PARD3: variants seen among roughly 807,000 people sequenced by gnomAD.
The protein encoded by PARD3 is partitioning defective 3 homolog.
Under a neutral mutation model 155.4 loss-of-function variants are expected in PARD3, and 75 were observed. That is an observed-to-expected ratio of 0.48 (90% CI 0.40 to 0.58). The LOEUF is 0.58. Among genes scored for constraint, PARD3 ranks in the 20% least tolerant of loss-of-function variants. The probability of loss-of-function intolerance (pLI) is 0.00; values close to 1 mark genes in which losing one functional copy is unlikely to be tolerated. For synonymous variants in PARD3, 576 were observed against 610.5 expected, an observed-to-expected ratio of 0.94 and a Z score of 0.83; for missense variants, 1,642 against 1,721.7, an observed-to-expected ratio of 0.95 and a Z score of 0.82.
At chr10:34,377,877 T>G in intron 10 of PARD3, 90 bp downstream of exon 10, 1 of 1,059,364 alleles carries the variant, frequency 9.4e-7, no homozygotes. Flanking sequence ...TAACTGAATT[T>G]CATATTTTAT....
At chr10:34,762,333 G>A (rs948016956) in intron 1 of PARD3, among the ~76,000 whole-genome samples, 26 of 151,418 alleles carry the variant, frequency 1.7e-4, no homozygotes, top group Non-Finnish European at 2.2e-4. Flanking sequence ...TCACTCTGTC[G>A]CCCAGGCTGG....
chr10:34,196,575 T>C (rs530481747), intron 22 of PARD3, among the ~76,000 whole-genome samples: 1,577 of 142,452 alleles, frequency 0.011, 10 homozygotes, highest in Non-Finnish European at 0.018. Flanking sequence ...TTTCTTTTTT[T>C]TTTTTTTTTT....
intron 22 of PARD3, among the ~76,000 whole-genome samples, chr10:34,201,582 G>A (rs1483863211): frequency 6.6e-6 from 1 of 152,144 alleles, no homozygotes; most frequent in Admixed American, 6.5e-5. Context: ...TCTTTCAAAA[G>A]GGGAGCCATG....
chr10:34,476,404 T>G (rs373318633), intron 3 of PARD3, among the ~76,000 whole-genome samples: 3 of 152,148 alleles, frequency 2.0e-5, no homozygotes, highest in African/African-American at 7.2e-5. Flanking sequence ...ACCACTGATG[T>G]AGATGTCAAC....
At chr10:34,788,656 G>C (rs999172975) in intron 1 of PARD3, among the ~76,000 whole-genome samples, 1 of 152,112 alleles carries the variant, frequency 6.6e-6, no homozygotes, top group African/African-American at 2.4e-5. Context: ...CACCATGTTG[G>C]CCAGGACGGT....
intron 7 of PARD3, among the ~76,000 whole-genome samples, chr10:34,386,870 G>A (rs1192580683): frequency 6.6e-6 from 1 of 151,332 alleles, no homozygotes; most frequent in Non-Finnish European, 1.5e-5. Context: ...CGATGAATGA[G>A]GAAGATTAAT....
chr10:34,776,833 T>TTTTGGGGGGGGGGGGGG (rs1564608800), intron 1 of PARD3, among the ~76,000 whole-genome samples: 1 of 9,908 alleles, frequency 1.0e-4, no homozygotes, highest in African/African-American at 2.9e-4. Flanking sequence ...CGTGTTTTTT[T>TTTTGGGGGGGGGGGGGG]GTGGGGGGGG....
chr10:34,413,140 T>TACACACACACACACACACACACAC (rs774389489), intron 5 of PARD3, among the ~76,000 whole-genome samples: 4 of 113,788 alleles, frequency 3.5e-5, no homozygotes, highest in African/African-American at 1.3e-4. Flanking sequence ...ACTTCAGATA[T>TACACACACACACACACACACACAC]ATATACACAC....
intron 2 of PARD3, among the ~76,000 whole-genome samples, chr10:34,653,376 T>C (rs999568544): frequency 6.6e-6 from 1 of 152,112 alleles, no homozygotes; most frequent in African/African-American, 2.4e-5. Flanking sequence ...CATCCAATAA[T>C]ACTCTTTCCT....
rs921768276 is a variant in PARD3 at position 34,466,373 on chromosome 10, T to C, written c.582+3712A>G. ...AACAAGGAAGACTCCACCTCTCGTT[T>C]GTGATTTTGAACCAAAGGAGAGAGT... On this transcript the variant is annotated intron_variant, in intron 4 of 24. Coordinates refer to ENST00000374788, the MANE Select transcript of PARD3 (RefSeq NM_001184785.2). Among the ~76,000 whole-genome samples the C allele has an allele frequency of 4.6e-5, 7 of 152,280 alleles. No individual in the cohort carries two copies. In the South Asian group the frequency reaches 1.0e-3, roughly 23 times the overall value.
At chr10:34,457,399 A>T (rs1393379747) in intron 4 of PARD3, among the ~76,000 whole-genome samples, 1 of 152,180 alleles carries the variant, frequency 6.6e-6, no homozygotes, top group African/African-American at 2.4e-5. Flanking sequence ...TTTGACAGAG[A>T]AGGAAGCCAT....
intron 7 of PARD3, among the ~76,000 whole-genome samples, chr10:34,390,973 A>T (rs978488982): frequency 6.6e-6 from 1 of 152,238 alleles, no homozygotes; most frequent in Non-Finnish European, 1.5e-5. Context: ...GTCAATTCCA[A>T]ATAAGATCCT....
intron 15 of PARD3, among the ~76,000 whole-genome samples, chr10:34,346,667 G>C (rs11009744): frequency 0.27 from 40,905 of 152,014 alleles, 6,666 homozygotes; most frequent in South Asian, 0.46. Flanking sequence ...GATAAACTAT[G>C]TACAAAGCCT....
In PARD3 at chr10:34,516,240, T is replaced by C. The variant is rs368334811; in HGVS notation, c.403+739A>G. Among the ~76,000 whole-genome samples the C allele has an allele frequency of 3.3e-4, 51 of 152,268 alleles. 2 individuals carry two copies. The East Asian group carries it at 6.4e-3, about 19-fold the overall frequency. On this transcript the variant is annotated intron_variant, in intron 3 of 24. Transcript: ENST00000374788. Reference sequence around the variant, plus strand: ...TCAGCCTCCCAAAGTGCTGGGATTATAGGCATAAGCCACCCCGCCCAGCCA... The same window carrying C: ...TCAGCCTCCCAAAGTGCTGGGATTACAGGCATAAGCCACCCCGCCCAGCCA...
chr10:34,453,630 A>G (rs939264558), intron 4 of PARD3, among the ~76,000 whole-genome samples: 1 of 152,228 alleles, frequency 6.6e-6, no homozygotes, highest in Non-Finnish European at 1.5e-5. Flanking sequence ...TTTTCAGTGA[A>G]ATGTAATCAC....
intron 16 of PARD3, among the ~76,000 whole-genome samples, chr10:34,338,049 G>A (rs1180509999): frequency 6.6e-6 from 1 of 152,198 alleles, no homozygotes; most frequent in Admixed American, 6.5e-5. Flanking sequence ...TAACAGATAA[G>A]AAAGATTCCC....
chr10:34,552,221 C>T (rs904112047), intron 2 of PARD3, among the ~76,000 whole-genome samples: 4 of 152,176 alleles, frequency 2.6e-5, no homozygotes, highest in African/African-American at 9.6e-5. Context: ...AATCCTCCTG[C>T]CTCAGCCTCC....
chr10:34,184,705 T>TTG, intron 22 of PARD3, among the ~76,000 whole-genome samples: 1 of 151,154 alleles, frequency 6.6e-6, no homozygotes, highest in Non-Finnish European at 1.5e-5. Flanking sequence ...TCGGTTTTTT[T>TTG]TTTTTTTTTT....
At chr10:34,465,003 A>C (rs1158474615) in intron 4 of PARD3, among the ~76,000 whole-genome samples, 1 of 152,192 alleles carries the variant, frequency 6.6e-6, no homozygotes, top group African/African-American at 2.4e-5. Context: ...GGACTACTGC[A>C]CATAACCCAT....
Sources: allele counts gnomAD v4.1 joint callset (sites outside exome capture counted in the v4.1 genomes callset), GRCh38; gene constraint gnomAD v4.1.1; transcripts MANE v1.5; gene names NCBI Gene and HGNC (gene_info 2026-07-23, HGNC 2026-07-21).